PRDM16: variants seen among roughly 807,000 people sequenced by gnomAD.
PRDM16 encodes PR/SET domain 16, also known as histone-lysine N-methyltransferase PRDM16.
In PRDM16, 23 loss-of-function variants were observed where a neutral mutation model predicts 110.6. The observed-to-expected ratio is 0.21, with a 90% CI of 0.15 to 0.29. The LOEUF is 0.29. Ranked by LOEUF, PRDM16 falls within the 10% of genes least tolerant of loss-of-function variation. The probability of loss-of-function intolerance (pLI) is 1.00; values close to 1 mark genes in which losing one functional copy is unlikely to be tolerated. For synonymous variants in PRDM16, 799 were observed against 781.8 expected (o/e 1.02, Z -0.37); for missense variants, 1,615 against 1,794.3 (o/e 0.90, Z 1.81).
chr1:3,394,645 C>G (rs1051481837), intron 4 of PRDM16, among the ~76,000 whole-genome samples: 1 of 152,170 alleles, frequency 6.6e-6, no homozygotes, highest in Non-Finnish European at 1.5e-5. Context: ...GCCACCTGCC[C>G]CACGGGCATC....
intron 3 of PRDM16, among the ~76,000 whole-genome samples, chr1:3,363,275 C>T (rs1050489536): frequency 2.4e-4 from 37 of 152,326 alleles, no homozygotes; most frequent in African/African-American, 8.9e-4. Flanking sequence ...TGCTGTCTGT[C>T]CACTGTCATT....
chr1:3,180,420 C>T lies in PRDM16; in HGVS notation c.38-5705C>T, dbSNP rs184754883. ...CTGGGTGTGCAGTTGTAAGAAACGC[C>T]GCGTAGAGGCCAGCCTGCCCTTGGC... On this transcript the variant is annotated intron_variant, in intron 1 of 16. Coordinates refer to ENST00000270722, the MANE Select transcript of PRDM16 (RefSeq NM_022114.4). 2.5e-3 allele frequency among the ~76,000 whole-genome samples: 383 copies of T among 152,080 alleles called. 1 individual carries two copies. The highest frequency in any genetic ancestry group is 0.01 in the Middle Eastern group (3 of 294).
intron 3 of PRDM16, among the ~76,000 whole-genome samples, chr1:3,272,898 C>G (rs559022407): frequency 6.6e-6 from 1 of 152,328 alleles, no homozygotes; most frequent in African/African-American, 2.4e-5. Flanking sequence ...TCTGCCACTC[C>G]CCAGCCTGGG....
chr1:3,074,685 C>T (rs1470378184), intron 1 of PRDM16, among the ~76,000 whole-genome samples: 1 of 152,210 alleles, frequency 6.6e-6, no homozygotes, highest in African/African-American at 2.4e-5. Flanking sequence ...CTCCACACTC[C>T]CTCGCTCACT....
At chr1:3,413,714 A>G (rs1457401239) in intron 9 of PRDM16, among the ~76,000 whole-genome samples, 1 of 152,198 alleles carries the variant, frequency 6.6e-6, no homozygotes, top group African/African-American at 2.4e-5. Flanking sequence ...GTGATGGGAA[A>G]GAGGCTCCCA....
chr1:3,417,778 G>A, intron 10 of PRDM16, 50 bp from the exon 11 acceptor site: 1 of 1,552,646 alleles, frequency 6.4e-7, no homozygotes, highest in African/African-American at 1.4e-5. Flanking sequence ...TGCCCCTGAA[G>A]ACAGGTGAGA....
chr1:3,280,242 T>G (rs889652977), intron 3 of PRDM16, among the ~76,000 whole-genome samples: 2 of 152,144 alleles, frequency 1.3e-5, no homozygotes, highest in Non-Finnish European at 2.9e-5. Context: ...GTTCGTGTGT[T>G]GGTGTGTGCA....
intron 2 of PRDM16, among the ~76,000 whole-genome samples, chr1:3,203,230 C>T (rs767951299): frequency 2.6e-5 from 4 of 151,342 alleles, no homozygotes; most frequent in South Asian, 2.1e-4. Context: ...AGGGCTTTGG[C>T]GGTCATCCTT....
chr1:3,077,252 G>A (rs1352210374), intron 1 of PRDM16, among the ~76,000 whole-genome samples: 1 of 152,090 alleles, frequency 6.6e-6, no homozygotes, highest in Non-Finnish European at 1.5e-5. Flanking sequence ...CCTGACACAA[G>A]CTCAGGAGCA....
chr1:3,097,101 G>A (rs1415218862), intron 1 of PRDM16, among the ~76,000 whole-genome samples: 1 of 152,146 alleles, frequency 6.6e-6, no homozygotes, highest in Non-Finnish European at 1.5e-5. Flanking sequence ...CCCAGGCCGG[G>A]ATTCTAGGGA....
intron 3 of PRDM16, among the ~76,000 whole-genome samples, chr1:3,341,038 G>A (rs950865307): frequency 4.0e-5 from 6 of 148,784 alleles, no homozygotes; most frequent in Non-Finnish European, 7.5e-5. Context: ...GTCCAACCCC[G>A]CACGCTCCTT....
chr1:3,365,236 G>A (rs577779114), intron 3 of PRDM16, among the ~76,000 whole-genome samples: 6 of 152,284 alleles, frequency 3.9e-5, no homozygotes, highest in African/African-American at 7.2e-5. Flanking sequence ...CTGTGCCGCC[G>A]TCCTCCTCTG....
At position 3,425,225 on chromosome 1, in the gene PRDM16, C is replaced by A. The variant is rs1368609773; in HGVS notation, c.2940-356C>A. 1.1e-5 allele frequency: 2 copies of A among 180,842 alleles called. No homozygotes were observed. The highest frequency in any genetic ancestry group is 1.5e-4 in the East Asian group (1 of 6,856). 11.2% of individuals were successfully genotyped at this position (180,842 alleles called of 1,614,324 possible). On this transcript the variant is annotated intron_variant, in intron 12 of 16. Coordinates refer to ENST00000270722, the MANE Select transcript of PRDM16 (RefSeq NM_022114.4). This position sits in a 1 kb window ranked among gnomAD's most constrained non-coding sequence, Gnocchi z 6.9. The stretch of plus-strand genomic sequence containing the variant: ...CCAGAGTAGCTGGGACTACAGGCGC[C>A]CACCACCACGACTGGCTGATTTTTT...
At chr1:3,397,319 C>A (rs968026331) in intron 5 of PRDM16, among the ~76,000 whole-genome samples, 29 of 152,228 alleles carry the variant, frequency 1.9e-4, no homozygotes, top group African/African-American at 7.0e-4. Flanking sequence ...CCCTCTCTGT[C>A]GAGTAGAGAT....
chr1:3,181,099 CAGTCTT>C, intron 1 of PRDM16, among the ~76,000 whole-genome samples: 1 of 22,256 alleles, frequency 4.5e-5, no homozygotes, highest in Non-Finnish European at 2.3e-4. Context: ...CTTACACACG[CAGTCTT>C]ACACGCGGCC....
At chr1:3,365,135 T>G (rs1157280069) in intron 3 of PRDM16, among the ~76,000 whole-genome samples, 1 of 152,132 alleles carries the variant, frequency 6.6e-6, no homozygotes, top group Non-Finnish European at 1.5e-5. Flanking sequence ...TTGGGTCTGT[T>G]CAGGAAAGTG....
At position 3,365,797 on chromosome 1, in the gene PRDM16, C is replaced by T. The variant is rs558017957; in HGVS notation, c.439-19355C>T. ...AATTATCATTTGTGCTAATCAGAGC[C>T]GTTTGGAGGAGGTTGGGGTGGAAGG... On this transcript the variant is annotated intron_variant, in intron 3 of 16. Coordinates refer to ENST00000270722, the MANE Select transcript of PRDM16 (RefSeq NM_022114.4). 5.3e-5 allele frequency among the ~76,000 whole-genome samples: 8 copies of T among 152,316 alleles called. No individual in the cohort carries two copies. The South Asian group carries it at 8.3e-4, about 16-fold the overall frequency.
intron 3 of PRDM16, among the ~76,000 whole-genome samples, chr1:3,280,512 C>T (rs940332213): frequency 5.9e-5 from 9 of 152,200 alleles, no homozygotes; most frequent in South Asian, 4.1e-4. Context: ...TGCGGAGGGA[C>T]GGCGTACATT....
intron 3 of PRDM16, among the ~76,000 whole-genome samples, chr1:3,378,512 G>A (rs575598635): frequency 5.9e-5 from 9 of 152,256 alleles, no homozygotes; most frequent in Admixed American, 3.3e-4. Flanking sequence ...TCTGGAGTCC[G>A]GCAGCCTGGG....
Sources: gnomAD v4.1 joint callset for allele counts (sites outside exome capture counted in the v4.1 genomes callset) on GRCh38, gnomAD v4.1.1 for gene constraint, Gnocchi (gnomAD v3.1) non-coding constraint, MANE v1.5 for transcripts, NCBI Gene and HGNC (gene_info 2026-07-23, HGNC 2026-07-21) for gene names.